The following AJAP1 variants were observed in gnomAD, a reference collection of about 807,000 sequenced individuals.
The protein encoded by AJAP1 is adherens junctions associated protein 1, also known as adherens junction-associated protein 1.
AJAP1 carries 5 observed loss-of-function variants against 35.0 expected under a neutral mutation model. The observed-to-expected ratio is 0.14, with a 90% confidence interval of 0.07 to 0.30. The LOEUF (loss-of-function observed/expected upper bound fraction) is 0.30, where lower values mean the gene tolerates loss of function less well. Ranked by LOEUF, AJAP1 falls within the 10% of genes least tolerant of loss-of-function variation. The probability of loss-of-function intolerance (pLI) is 1.00; values close to 1 mark genes in which losing one functional copy is unlikely to be tolerated. For missense variants in AJAP1, 586 were observed against 571.0 expected (o/e 1.03, Z -0.27); for synonymous variants, 284 against 249.3 (o/e 1.14, Z -1.31).
At chr1:4,672,060 G>T (rs1473756426) in intron 1 of AJAP1, among the ~76,000 whole-genome samples, 1 of 152,236 alleles carries the variant, frequency 6.6e-6, no homozygotes, top group Non-Finnish European at 1.5e-5. Flanking sequence ...GGAGCTGCTT[G>T]TGAATCATGT....
intron 3 of AJAP1, among the ~76,000 whole-genome samples, chr1:4,771,028 C>T (rs1641822696): frequency 6.6e-6 from 1 of 152,028 alleles, no homozygotes. Context: ...TATGGAAGGA[C>T]AAATCCCACT....
At chr1:4,718,929 C>G (rs1473465289) in intron 2 of AJAP1, among the ~76,000 whole-genome samples, 1 of 152,144 alleles carries the variant, frequency 6.6e-6, no homozygotes, top group Admixed American at 6.5e-5. Context: ...ACCTGGAAAC[C>G]AGTCTCCTTT....
intron 2 of AJAP1, among the ~76,000 whole-genome samples, chr1:4,715,915 T>TG (rs554213261): frequency 6.6e-6 from 1 of 152,196 alleles, no homozygotes; most frequent in Non-Finnish European, 1.5e-5. Flanking sequence ...TGCCACATAC[T>TG]GGGGGGCACC....
At chr1:4,777,010 G>A (rs563825993) in intron 5 of AJAP1, among the ~76,000 whole-genome samples, 3 of 152,202 alleles carry the variant, frequency 2.0e-5, no homozygotes, top group Admixed American at 1.3e-4. Context: ...ACACAGCCTC[G>A]TTAGTCCTTG....
At position 4,734,864 on chromosome 1, in the gene AJAP1, G is replaced by A. The variant is rs986260267; in HGVS notation, c.829+22165G>A. ...TGCTTCCGAGGCCCGAAACAGTGGC[G>A]TTTCCTCTTCCCCGAGCACTCAGCC... On this transcript the variant is annotated intron_variant, in intron 2 of 5. Coordinates refer to ENST00000378191, the MANE Select transcript of AJAP1 (RefSeq NM_018836.4). This position sits in a 1 kb window ranked among gnomAD's most constrained non-coding sequence, Gnocchi z 4.3. 6.6e-6 allele frequency among the ~76,000 whole-genome samples: 1 copy of A among 152,172 alleles called. No homozygotes were observed. Among genetic ancestry groups the A allele is most frequent in the Admixed American group, 6.5e-5 (1 of 15,288 alleles).
At chr1:4,703,540 G>A (rs528003378) in intron 1 of AJAP1, among the ~76,000 whole-genome samples, 47 of 152,276 alleles carry the variant, frequency 3.1e-4, no homozygotes, top group Admixed American at 1.3e-4. Flanking sequence ...AATTAGAGGA[G>A]AGTTTAGGGA....
chr1:4,712,633 C>G lies in AJAP1; in HGVS notation c.763C>G (p.Pro255Ala). Residue 255 changes from proline to alanine, a missense_variant, in exon 2 of 6, where the codon CCT (proline) becomes GCT (alanine). By Grantham distance (27) the Pro-to-Ala change is conservative. Coordinates refer to ENST00000378191, the MANE Select transcript of AJAP1 (RefSeq NM_018836.4). ...RIPGGVSTTEPSTSPSNNGEV... is the reference protein window; with the variant it reads ...RIPGGVSTTEASTSPSNNGEV... ...CCCAGGTGGGGTTAGCACAACGGAG[C>G]CTTCCACCAGTCCCAGCAACAACGG... The G allele has an allele frequency of 2.6e-6, 4 of 1,566,086 alleles. No homozygotes were observed. The highest frequency in any genetic ancestry group is 3.5e-6 in the Non-Finnish European group (4 of 1,151,014).
Position 4,672,090 on chromosome 1 carries a change from G to A in AJAP1, c.29+16636G>A, listed in dbSNP as rs1240071562. Reference sequence around the variant, plus strand: ...TCATGTCGTAACACACACATGTAAAGTAAGGAGGCTGCTGTCTCCCCGGGG... The same window carrying A: ...TCATGTCGTAACACACACATGTAAAATAAGGAGGCTGCTGTCTCCCCGGGG... On this transcript the variant is annotated intron_variant, in intron 1 of 5. Coordinates refer to ENST00000378191, the MANE Select transcript of AJAP1 (RefSeq NM_018836.4). Among the ~76,000 whole-genome samples, 4 of 152,190 alleles carry A rather than the reference G, an allele frequency of 2.6e-5. No homozygotes were observed. In the East Asian group the frequency reaches 7.7e-4, roughly 29 times the overall value.
intron 2 of AJAP1, among the ~76,000 whole-genome samples, chr1:4,752,927 C>T (rs1343741358): frequency 2.6e-5 from 4 of 152,204 alleles, no homozygotes; most frequent in Non-Finnish European, 5.9e-5. Flanking sequence ...TCCTCATGTT[C>T]TCTTCAAACT....
intron 1 of AJAP1, among the ~76,000 whole-genome samples, chr1:4,685,571 A>G (rs537974809): frequency 9.9e-5 from 15 of 152,202 alleles, no homozygotes; most frequent in South Asian, 2.1e-4. Context: ...ATCCCATCCA[A>G]TGGCATCGAC....
rs41355644 is a variant in AJAP1, at chr1:4,784,763, G to A, written c.*2278G>A. On this transcript the variant is annotated 3_prime_UTR_variant, in exon 6 of 6. Transcript: ENST00000378191. ...ACATCCTGAGACAATGCAAACATCC[G>A]CCACTGGCATTTGGCCGTCTCCAGG... is the stretch of plus-strand genomic sequence containing the variant. 0.063 allele frequency: 9,519 copies of A among 152,238 alleles called. 360 individuals are homozygous for A. The highest frequency in any genetic ancestry group is 0.2 in the Middle Eastern group (58 of 294). 9.4% of individuals were successfully genotyped at this position (152,238 alleles called of 1,614,324 possible).
chr1:4,690,894 A>T (rs929564041), intron 1 of AJAP1, among the ~76,000 whole-genome samples: 1 of 152,190 alleles, frequency 6.6e-6, no homozygotes, highest in Admixed American at 6.5e-5. Flanking sequence ...CTTGGGGGTC[A>T]AGTGCGCACT....
At chr1:4,739,071 GC>G (rs993000773) in intron 2 of AJAP1, among the ~76,000 whole-genome samples, 2 of 152,124 alleles carry the variant, frequency 1.3e-5, no homozygotes, top group Non-Finnish European at 2.9e-5. Context: ...TTTTCCATGG[GC>G]ACCGGAATTC....
chr1:4,763,811 C>T (rs1348406613), intron 2 of AJAP1, among the ~76,000 whole-genome samples: 4 of 148,002 alleles, frequency 2.7e-5, no homozygotes, highest in African/African-American at 5.0e-5. Context: ...TGCCTTTCTC[C>T]CTCTCCCCCT....
chr1:4,786,431 C>G lies in AJAP1; in HGVS notation c.*3946C>G, dbSNP rs767470636. On this transcript the variant is annotated 3_prime_UTR_variant, in exon 6 of 6. Coordinates refer to ENST00000378191, the MANE Select transcript of AJAP1 (RefSeq NM_018836.4). ...CTTTGAATCGGGACACCAGGAAACCCGTTACTACTAATGTGATCTTACCAT... is the reference window on the plus strand; with the variant it reads ...CTTTGAATCGGGACACCAGGAAACCGGTTACTACTAATGTGATCTTACCAT... 6.6e-6 allele frequency: 1 copy of G among 152,128 alleles called. No homozygotes were observed. The highest frequency in any genetic ancestry group is 1.5e-5 in the Non-Finnish European group (1 of 68,026). The allele number at this position is 152,128 out of a possible 1,614,324, so 9.4% of individuals were successfully genotyped here. A position where few individuals can be genotyped will look rare whatever the true frequency, so the allele number is the denominator to read the frequency against.
intron 2 of AJAP1, among the ~76,000 whole-genome samples, chr1:4,718,957 C>T (rs1317272719): frequency 6.6e-6 from 1 of 152,166 alleles, no homozygotes; most frequent in African/African-American, 2.4e-5. Flanking sequence ...CGGATGGGGT[C>T]ACTGACTAGT....
At chr1:4,772,794 C>A (rs1216461625) in intron 4 of AJAP1, among the ~76,000 whole-genome samples, 1 of 152,186 alleles carries the variant, frequency 6.6e-6, no homozygotes, top group African/African-American at 2.4e-5. Flanking sequence ...AATGCATAGT[C>A]TCCCAGCCCT....
chr1:4,700,691 C>A (rs1024805826), intron 1 of AJAP1, among the ~76,000 whole-genome samples: 1 of 152,168 alleles, frequency 6.6e-6, no homozygotes, highest in East Asian at 1.9e-4. Context: ...AGTCTGGGAA[C>A]TTTGTCCGCA....
intron 1 of AJAP1, among the ~76,000 whole-genome samples, chr1:4,657,309 C>T (rs1275434684): frequency 4.6e-4 from 70 of 152,168 alleles, no homozygotes; most frequent in Non-Finnish European, 8.8e-5. Context: ...TCGTTTTTCC[C>T]CCCTCGATGT....
Sources: gnomAD v4.1 joint callset for allele counts (sites outside exome capture counted in the v4.1 genomes callset) on GRCh38, gnomAD v4.1.1 for gene constraint, Gnocchi (gnomAD v3.1) non-coding constraint, MANE v1.5 for transcripts, NCBI Gene and HGNC (gene_info 2026-07-23, HGNC 2026-07-21) for gene names.